DENND2A: variants seen among roughly 807,000 people sequenced by gnomAD.
DENND2A encodes the protein DENN domain-containing protein 2A.
Under a neutral mutation model 105.3 loss-of-function variants are expected in DENND2A, and 53 were observed. The ratio of observed to expected loss-of-function variants is 0.50; its 90% CI spans 0.40 to 0.63. The LOEUF is 0.63. Among genes scored for constraint, DENND2A ranks in the 30% least tolerant of loss-of-function variants. DENND2A has a pLI of 0.00. For synonymous variants in DENND2A, 522 were observed against 508.4 expected (o/e 1.03, Z -0.36); for missense variants, 1,138 against 1,279.6 (o/e 0.89, Z 1.69).
At position 140,596,183 on chromosome 7, in the gene DENND2A, A is replaced by C. The variant is rs1425601649; in HGVS notation, c.995+5220T>G. ...GATTTCCACCTTTCAATGAGAAATG[A>C]CATGAAAATCACTCTTGTAATGGAC... On this transcript the variant is annotated intron_variant, in intron 3 of 19. Coordinates refer to ENST00000496613, the MANE Select transcript of DENND2A (RefSeq NM_015689.5). 2.0e-5 allele frequency among the ~76,000 whole-genome samples: 3 copies of C among 152,242 alleles called. 1 individual carries two copies. Among genetic ancestry groups the C allele is most frequent in the Admixed American group, 2.0e-4 (3 of 15,278 alleles).
intron 9 of DENND2A, 74 bp downstream of exon 9, chr7:140,567,012 C>T: frequency 7.2e-7 from 1 of 1,380,510 alleles, no homozygotes; most frequent in Non-Finnish European, 9.7e-7. Context: ...TCCCACACCT[C>T]CCTCAATTCA....
At chr7:140,568,927 G>A in intron 7 of DENND2A, 114 bp from the exon 8 acceptor site, 1 of 1,057,986 alleles carries the variant, frequency 9.5e-7, no homozygotes, top group Non-Finnish European at 1.4e-6. Flanking sequence ...ATGTTGAGTT[G>A]CCTCTTTTTT....
In DENND2A at chr7:140,582,084, C is replaced by T. The variant is rs1311267450; in HGVS notation, c.1245+3505G>A. Among the ~76,000 whole-genome samples the T allele has an allele frequency of 2.6e-5, 4 of 151,996 alleles. No homozygotes were observed. In the East Asian group the frequency reaches 5.8e-4, roughly 22 times the overall value. ...GGTTCAAGTGATTCTCCTGCCTCTG[C>T]CTCCCGAGTAGCTGGGATTACAGGC... On this transcript the variant is annotated intron_variant, in intron 5 of 19. Transcript: ENST00000496613.
At chr7:140,542,304 C>T (rs578159983) in intron 14 of DENND2A, among the ~76,000 whole-genome samples, 3 of 152,292 alleles carry the variant, frequency 2.0e-5, no homozygotes, top group Admixed American at 6.5e-5. Context: ...TGTTTTGTGA[C>T]GTGGCCTTAG....
intron 12 of DENND2A, among the ~76,000 whole-genome samples, chr7:140,554,122 A>G (rs1206816000): frequency 6.6e-6 from 1 of 152,100 alleles, no homozygotes; most frequent in African/African-American, 2.4e-5. Flanking sequence ...GCTACTCAGG[A>G]GGCTGAGGCA....
chr7:140,595,368 C>T (rs1314462632), intron 3 of DENND2A, among the ~76,000 whole-genome samples: 1 of 152,014 alleles, frequency 6.6e-6, no homozygotes, highest in East Asian at 1.9e-4. Context: ...TAATTTATCC[C>T]TACTTCAAGA....
At chr7:140,519,319 C>T (rs577808334) in intron 19 of DENND2A, among the ~76,000 whole-genome samples, 1 of 152,340 alleles carries the variant, frequency 6.6e-6, no homozygotes, top group African/African-American at 2.4e-5. Flanking sequence ...TGCCAGACGT[C>T]CTTGTCTGGT....
intron 5 of DENND2A, among the ~76,000 whole-genome samples, chr7:140,578,923 G>A (rs1798418254): frequency 6.6e-6 from 1 of 152,018 alleles, no homozygotes. Context: ...CTAACAATGG[G>A]GACTAATGAC....
In DENND2A at chr7:140,525,862, T is replaced by C. The variant is rs565287928; in HGVS notation, c.2506-70A>G. 56 of 1,344,036 alleles carry C rather than the reference T, an allele frequency of 4.2e-5. 1 individual carries two copies. The South Asian group carries it at 7.0e-4, about 17-fold the overall frequency. 83.3% of individuals were successfully genotyped at this position (1,344,036 alleles called of 1,614,324 possible). A position where few individuals can be genotyped will look rare whatever the true frequency, so the allele number is the denominator to read the frequency against. ...TGGGATAGGGATGGACTCATAGCCT[T>C]CTTCCTTCTTGGCATGCAGAGAGGC... On this transcript the variant is annotated intron_variant, in intron 15 of 19. Coordinates refer to ENST00000496613, the MANE Select transcript of DENND2A (RefSeq NM_015689.5).
chr7:140,567,304 A>AGAGAGAAAGAG, intron 8 of DENND2A, 31 bp from the exon 9 acceptor site: 1 of 657,344 alleles, frequency 1.5e-6, no homozygotes, highest in South Asian at 2.9e-5. Context: ...GAAAGAGAGA[A>AGAGAGAAAGAG]AGAGAGAGAG....
intron 7 of DENND2A, 136 bp downstream of exon 7, chr7:140,569,509 A>G: frequency 1.4e-6 from 1 of 717,298 alleles, no homozygotes; most frequent in Non-Finnish European, 2.5e-6. Context: ...ACTGTCCCAA[A>G]GACAGTGCGG....
intron 14 of DENND2A, among the ~76,000 whole-genome samples, chr7:140,539,125 A>G (rs1436081621): frequency 6.6e-6 from 1 of 152,194 alleles, no homozygotes; most frequent in Non-Finnish European, 1.5e-5. Flanking sequence ...CGCTTGGCCT[A>G]AAGACTTTCC....
chr7:140,531,142 T>G (rs1308911907), intron 14 of DENND2A, among the ~76,000 whole-genome samples: 1 of 152,264 alleles, frequency 6.6e-6, no homozygotes, highest in Non-Finnish European at 1.5e-5. Flanking sequence ...ATGCTTTAGT[T>G]AATTCCTCAC....
At chr7:140,521,742 T>G in intron 18 of DENND2A, 113 bp downstream of exon 18, 3 of 1,508,598 alleles carry the variant, frequency 2.0e-6, no homozygotes, top group Non-Finnish European at 2.7e-6. Context: ...CTGGGGGAGA[T>G]GGACACAGTC....
At chr7:140,536,569 C>A (rs1054388945) in intron 14 of DENND2A, among the ~76,000 whole-genome samples, 55 of 152,126 alleles carry the variant, frequency 3.6e-4, no homozygotes, top group Admixed American at 2.6e-4. Context: ...ATGCCAAACT[C>A]TAAATCTTGC....
chr7:140,533,704 TG>T (rs1444393610), intron 14 of DENND2A, among the ~76,000 whole-genome samples: 1 of 152,106 alleles, frequency 6.6e-6, no homozygotes, highest in Admixed American at 6.5e-5. Flanking sequence ...GCTGGCCGCG[TG>T]GGAGGAGCTG....
In DENND2A at chr7:140,544,691, C is replaced by G. The variant is rs374348351; in HGVS notation, c.2254G>C (p.Val752Leu). 63 of 1,613,748 alleles carry G rather than the reference C, an allele frequency of 3.9e-5. No individual in the cohort carries two copies. In the African/African-American group the frequency reaches 8.1e-4, roughly 21 times the overall value. ...GCAAACACACAGACCAGGTGGCGGA[C>G]GCTGAGGGAGGAGAAGAGAGACTCA... ...DFESLFSSLS[V>L]RHLVCVFASL... is the part of the protein sequence containing the mutation. Residue 752 changes from valine (V) to leucine (L), a missense_variant, in exon 14 of 20, where the codon GTC (valine) becomes CTC (leucine). Val to Leu is a conservative substitution (Grantham distance 32). Coordinates refer to ENST00000496613, the MANE Select transcript of DENND2A (RefSeq NM_015689.5).
intron 5 of DENND2A, among the ~76,000 whole-genome samples, chr7:140,581,436 G>A (rs1270399563): frequency 2.0e-5 from 3 of 152,188 alleles, no homozygotes; most frequent in Admixed American, 2.0e-4. Flanking sequence ...AAATTCTAGT[G>A]ACCCGAATAA....
rs187507780 is a variant in DENND2A at position 140,539,726 on chromosome 7, G to A, written c.2327+4892C>T. On this transcript the variant is annotated intron_variant, in intron 14 of 19. Coordinates refer to ENST00000496613, the MANE Select transcript of DENND2A (RefSeq NM_015689.5). ...TCAGAAGGCGCCCGGCACAGAGGCCGCTCAGAGGCCACTCCACGCCCCGTC... is the reference window on the plus strand; with the variant it reads ...TCAGAAGGCGCCCGGCACAGAGGCCACTCAGAGGCCACTCCACGCCCCGTC... Among the ~76,000 whole-genome samples the A allele has an allele frequency of 1.5e-3, 224 of 152,342 alleles. 1 individual carries two copies. Among genetic ancestry groups the A allele is most frequent in the African/African-American group, 4.9e-3 (205 of 41,574 alleles).
Sources: gnomAD v4.1 joint callset for allele counts (sites outside exome capture counted in the v4.1 genomes callset) on GRCh38, gnomAD v4.1.1 for gene constraint, MANE v1.5 for transcripts, NCBI Gene and HGNC (gene_info 2026-07-23, HGNC 2026-07-21) for gene names.